Variants in ALDH1A2 observed in about 807,000 individuals in gnomAD.
ALDH1A2 encodes the protein aldehyde dehydrogenase 1 family member A2.
A neutral mutation model predicts 60.3 loss-of-function variants in ALDH1A2; 27 were observed. The observed-to-expected ratio is 0.45, with a 90% CI of 0.33 to 0.62. The LOEUF (loss-of-function observed/expected upper bound fraction) is 0.62, where lower values mean the gene tolerates loss of function less well. Among genes scored for constraint, ALDH1A2 ranks in the 20% least tolerant of loss-of-function variants. The probability of loss-of-function intolerance (pLI) is 0.02; values close to 1 mark genes in which losing one functional copy is unlikely to be tolerated. For missense variants in ALDH1A2, 581 were observed against 643.8 expected (o/e 0.90, Z 1.06); for synonymous variants, 289 against 232.4 (o/e 1.24, Z -2.21).
intron 7 of ALDH1A2, among the ~76,000 whole-genome samples, chr15:57,988,111 A>T (rs1215162105): frequency 6.6e-6 from 1 of 152,200 alleles, no homozygotes; most frequent in African/African-American, 2.4e-5. Context: ...TATTCAAAAA[A>T]CAAATTTTAA....
intron 1 of ALDH1A2, among the ~76,000 whole-genome samples, chr15:58,053,647 C>T: frequency 6.6e-6 from 1 of 152,122 alleles, no homozygotes; most frequent in East Asian, 1.9e-4. Context: ...GTTTTGTGTA[C>T]TTCTTTTCTA....
At chr15:58,062,846 G>A (rs892013935) in intron 1 of ALDH1A2, among the ~76,000 whole-genome samples, 1 of 152,148 alleles carries the variant, frequency 6.6e-6, no homozygotes, top group Non-Finnish European at 1.5e-5. Context: ...AGTGGTAAGC[G>A]TATTTTAAAA....
intron 7 of ALDH1A2, among the ~76,000 whole-genome samples, chr15:57,977,007 T>C (rs565479726): frequency 2.7e-4 from 41 of 152,332 alleles, no homozygotes; most frequent in Middle Eastern, 6.8e-3. Context: ...ATTTCTCTAG[T>C]GACCAGTAAT....
At chr15:58,001,825 G>A (rs982940769) in intron 4 of ALDH1A2, among the ~76,000 whole-genome samples, 35 of 151,808 alleles carry the variant, frequency 2.3e-4, no homozygotes, top group African/African-American at 8.0e-4. Context: ...TACAGAGAGT[G>A]CTCAGACTTA....
chr15:57,970,827 C>T (rs891423976), intron 7 of ALDH1A2, among the ~76,000 whole-genome samples: 1 of 152,148 alleles, frequency 6.6e-6, no homozygotes, highest in Non-Finnish European at 1.5e-5. Flanking sequence ...AACAGATTTA[C>T]TCTCTGCTTC....
At position 57,964,003 on chromosome 15, in the gene ALDH1A2, C is replaced by G; in HGVS notation, c.968G>C (p.Gly323Ala). The G allele has an allele frequency of 3.7e-6, 6 of 1,614,190 alleles. No individual in the cohort carries two copies. The highest frequency in any genetic ancestry group is 1.7e-6 in the Non-Finnish European group (2 of 1,180,026). The change falls in exon 9 of 13, where the codon GGC (glycine) becomes GCC (alanine). Residue 323 changes from glycine (G) to alanine (A), a missense_variant. Around this residue, in one of 2 missense-constraint regions of ALDH1A2, gnomAD observed 375 missense variants for 469.7 expected, o/e 0.80. Transcript: ENST00000249750. ...FFNQGQCCTA[G>A]SRIFVEESIY... ...GGACTCCTCCACGAAGATGCGAGAG[C>G]CTGCAGTGCAGCACTGACCTTGATT...
chr15:57,962,644 T>C (rs1186086596), intron 9 of ALDH1A2, among the ~76,000 whole-genome samples: 1 of 152,126 alleles, frequency 6.6e-6, no homozygotes, highest in Admixed American at 6.5e-5. Flanking sequence ...CTATTACACT[T>C]TTAGAGGAAC....
At chr15:57,981,935 G>C (rs1299320497) in intron 7 of ALDH1A2, among the ~76,000 whole-genome samples, 3 of 152,166 alleles carry the variant, frequency 2.0e-5, no homozygotes, top group African/African-American at 7.2e-5. Flanking sequence ...GTCCAAGGTT[G>C]AGAGACCCAC....
chr15:58,046,333 A>C (rs1349310501), intron 1 of ALDH1A2, among the ~76,000 whole-genome samples: 14 of 152,090 alleles, frequency 9.2e-5, no homozygotes, highest in Admixed American at 9.2e-4. Context: ...CAAGGTAACA[A>C]GCAAGTCTGT....
intron 12 of ALDH1A2, among the ~76,000 whole-genome samples, chr15:57,956,671 G>T (rs536021495): frequency 6.6e-6 from 1 of 152,164 alleles, no homozygotes; most frequent in African/African-American, 2.4e-5. Flanking sequence ...ACTCAGTCTC[G>T]GAGTCTCTTT....
At chr15:58,043,482 T>C (rs1896567373) in intron 1 of ALDH1A2, among the ~76,000 whole-genome samples, 1 of 151,930 alleles carries the variant, frequency 6.6e-6, no homozygotes, top group Admixed American at 6.6e-5. Context: ...CTCTAAAGAG[T>C]GTATGTTAAC....
At position 57,995,147 on chromosome 15, in the gene ALDH1A2, A is replaced by C; in HGVS notation, c.494-8T>G. On this transcript the variant is annotated splice_polypyrimidine_tract_variant and splice_region_variant and intron_variant, in intron 4 of 12. Transcript: ENST00000249750. ...AGGTAAAATAGTCTCCATCTGAAAG[A>C]AAAAAGCATGGTCACTCCCAGAAAG... The C allele has an allele frequency of 6.2e-7, 1 of 1,611,504 alleles. No homozygotes were observed. The highest frequency in any genetic ancestry group is 1.1e-5 in the South Asian group (1 of 90,992).
Position 58,065,702 on chromosome 15 carries a change from C to CGCGCGGTCCGCGGCCCGGGG in ALDH1A2, c.-53_-52insCCCCGGGCCGCGGACCGCGC. The CGCGCGGTCCGCGGCCCGGGG allele has an allele frequency of 7.8e-7, 1 of 1,285,206 alleles. No individual in the cohort carries two copies. Among genetic ancestry groups the CGCGCGGTCCGCGGCCCGGGG allele is most frequent in the Non-Finnish European group, 1.1e-6 (1 of 945,782 alleles). The allele number at this position is 1,285,206 out of a possible 1,614,324, so 79.6% of individuals were successfully genotyped here. A position where few individuals can be genotyped will look rare whatever the true frequency, so the allele number is the denominator to read the frequency against. On this transcript the variant is annotated 5_prime_UTR_variant, in exon 1 of 13. Coordinates refer to ENST00000249750, the MANE Select transcript of ALDH1A2 (RefSeq NM_003888.4). ...GCGGCGTGGGGCAGTGCGGGCTGTGCGCGCGGTCCGCGGCCCGGGGGCGCG... is the reference window on the plus strand; with the variant it reads ...GCGGCGTGGGGCAGTGCGGGCTGTGCGCGCGGTCCGCGGCCCGGGGGCGCGGTCCGCGGCCCGGGGGCGCG...
intron 5 of ALDH1A2, 85 bp from the exon 6 acceptor site, chr15:57,993,158 A>C: frequency 1.3e-4 from 190 of 1,500,794 alleles, no homozygotes; most frequent in Non-Finnish European, 1.6e-4. Context: ...CATATTTCTC[A>C]AACTAGTCCT....
At chr15:57,991,961 A>T (rs1194871223) in intron 7 of ALDH1A2, among the ~76,000 whole-genome samples, 1 of 152,184 alleles carries the variant, frequency 6.6e-6, no homozygotes, top group African/African-American at 2.4e-5. Flanking sequence ...TGTAACAGGG[A>T]TCTGTAAACT....
intron 12 of ALDH1A2, among the ~76,000 whole-genome samples, chr15:57,960,214 C>T (rs1227476218): frequency 1.3e-5 from 2 of 152,210 alleles, no homozygotes; most frequent in African/African-American, 4.8e-5. Context: ...GCATCTTCCT[C>T]CATAGACCAA....
intron 7 of ALDH1A2, among the ~76,000 whole-genome samples, chr15:57,981,412 C>G (rs1037563198): frequency 6.6e-6 from 1 of 151,812 alleles, no homozygotes; most frequent in African/African-American, 2.4e-5. Context: ...GAGAGTAAAG[C>G]TGCCAGAGGA....
At chr15:57,994,694 T>G (rs1894995108) in intron 5 of ALDH1A2, among the ~76,000 whole-genome samples, 1 of 152,130 alleles carries the variant, frequency 6.6e-6, no homozygotes, top group Admixed American at 6.6e-5. Context: ...AGAATGGGAT[T>G]AAAAGATCAT....
intron 7 of ALDH1A2, chr15:57,991,423 A>T (rs1304523360): frequency 6.6e-6 from 1 of 152,256 alleles, no homozygotes; most frequent in Non-Finnish European, 1.5e-5. Context: ...AACTGAATTA[A>T]TATTCAAGTT....
Sources: gnomAD v4.1 joint callset for allele counts (sites outside exome capture counted in the v4.1 genomes callset) on GRCh38, gnomAD v4.1.1 for gene constraint, gnomAD v4.1.1 regional missense constraint, MANE v1.5 for transcripts, NCBI Gene and HGNC (gene_info 2026-07-23, HGNC 2026-07-21) for gene names.